ATXN1: variants seen among roughly 807,000 people sequenced by gnomAD.
The protein encoded by ATXN1 is ataxin 1.
In ATXN1, 8 loss-of-function variants were observed where a neutral mutation model predicts 56.4. The observed-to-expected ratio is 0.14, with a 90% CI of 0.08 to 0.26. ATXN1 has a LOEUF of 0.26. Ranked by LOEUF, ATXN1 falls within the 10% of genes least tolerant of loss-of-function variation. ATXN1 has a pLI of 1.00. For synonymous variants in ATXN1, 514 were observed against 494.6 expected, an observed-to-expected ratio of 1.04 and a Z score of -0.52; for missense variants, 987 against 1,106.5, an observed-to-expected ratio of 0.89 and a Z score of 1.53.
Position 16,372,930 on chromosome 6 carries a change from TAAATAAACAAAC to T in ATXN1, c.-160-44472_-160-44461del, listed in dbSNP as rs1433131352. Reference sequence around the variant, plus strand: ...CACTGTATCAAAATAAATAAATAAATAAATAAACAAACAAACAAACAAACAAACAAACAAACA... The same window carrying T: ...CACTGTATCAAAATAAATAAATAAATAAACAAACAAACAAACAAACAAACA... On this transcript the variant is annotated intron_variant, in intron 6 of 7. Coordinates refer to ENST00000436367, the MANE Select transcript of ATXN1 (RefSeq NM_001128164.2). Among the ~76,000 whole-genome samples, 641 of 144,380 alleles carry T rather than the reference TAAATAAACAAAC, an allele frequency of 4.4e-3. 3 individuals carry two copies. The highest frequency in any genetic ancestry group is 0.014 in the African/African-American group (511 of 35,414). 94.7% of individuals were successfully genotyped at this position (144,380 alleles called of 152,430 possible).
chr6:16,477,052 T>C (rs1270522979), intron 6 of ATXN1, among the ~76,000 whole-genome samples: 1 of 151,880 alleles, frequency 6.6e-6, no homozygotes, highest in African/African-American at 2.4e-5. Flanking sequence ...TCATACTTCC[T>C]GTCATCTGTG....
chr6:16,444,064 C>A (rs1051384564), intron 6 of ATXN1, among the ~76,000 whole-genome samples: 3 of 151,090 alleles, frequency 2.0e-5, no homozygotes, highest in Admixed American at 2.0e-4. Context: ...TGCAGTGAGC[C>A]GAGATTGCGC....
intron 6 of ATXN1, among the ~76,000 whole-genome samples, chr6:16,357,721 C>T (rs1761720846): frequency 6.6e-6 from 1 of 152,002 alleles, no homozygotes; most frequent in South Asian, 2.1e-4. Flanking sequence ...CAGGTAGCGA[C>T]AATAAACATG....
At position 16,761,298 on chromosome 6, in the gene ATXN1, T is replaced by C; in HGVS notation, c.-730A>G. Reference sequence around the variant, plus strand: ...GGAGGAAAAAAAAATAGTCACTTACTGTAAAGTGTAAATGGATCTGGGGTT... The same window carrying C: ...GGAGGAAAAAAAAATAGTCACTTACCGTAAAGTGTAAATGGATCTGGGGTT... On this transcript the variant is annotated splice_region_variant and 5_prime_UTR_variant, in exon 1 of 8. Coordinates refer to ENST00000436367, the MANE Select transcript of ATXN1 (RefSeq NM_001128164.2). 2 of 451,134 alleles carry C rather than the reference T, an allele frequency of 4.4e-6. No individual in the cohort carries two copies. Among genetic ancestry groups the C allele is most frequent in the Non-Finnish European group, 8.9e-6 (2 of 224,942 alleles). 27.9% of individuals were successfully genotyped at this position (451,134 alleles called of 1,614,324 possible). A position where few individuals can be genotyped will look rare whatever the true frequency, so the allele number is the denominator to read the frequency against.
intron 2 of ATXN1, among the ~76,000 whole-genome samples, chr6:16,712,432 G>A (rs1759545356): frequency 6.6e-6 from 1 of 152,150 alleles, no homozygotes; most frequent in South Asian, 2.1e-4. Flanking sequence ...AAGAACGGTG[G>A]TCTGCTACAG....
intron 6 of ATXN1, among the ~76,000 whole-genome samples, chr6:16,478,726 T>A (rs570461635): frequency 8.6e-4 from 127 of 147,418 alleles, no homozygotes; most frequent in African/African-American, 3.0e-3. Flanking sequence ...GAAATTACAT[T>A]TTTTTTTTCA....
rs1240773515 is a variant in ATXN1, at chr6:16,316,472, C to T, written c.1918-9613G>A. ...TTAAAATCTGAAAGAAGAGGCCGGG[C>T]ATGGTGGCTCACACCTGTAATCCCA... is the stretch of plus-strand genomic sequence containing the variant. On this transcript the variant is annotated intron_variant, in intron 7 of 7. Coordinates refer to ENST00000436367, the MANE Select transcript of ATXN1 (RefSeq NM_001128164.2). Among the ~76,000 whole-genome samples the T allele has an allele frequency of 2.6e-5, 4 of 152,328 alleles. No individual in the cohort carries two copies. The East Asian group carries it at 7.7e-4, about 29-fold the overall frequency.
intron 6 of ATXN1, among the ~76,000 whole-genome samples, chr6:16,339,944 A>C (rs544503029): frequency 1.3e-5 from 2 of 152,236 alleles, no homozygotes; most frequent in South Asian, 4.1e-4. Flanking sequence ...CACCATGCCC[A>C]GCTAATTTTT....
intron 3 of ATXN1, among the ~76,000 whole-genome samples, chr6:16,644,415 C>T (rs944744717): frequency 1.7e-4 from 26 of 150,392 alleles, no homozygotes; most frequent in African/African-American, 5.9e-4. Flanking sequence ...CTCGGGAGGC[C>T]GAGGCAGGAG....
rs143785440 is a variant in ATXN1, at chr6:16,300,909, C to G, written c.*5420G>C. On this transcript the variant is annotated 3_prime_UTR_variant, in exon 8 of 8. Coordinates refer to ENST00000436367, the MANE Select transcript of ATXN1 (RefSeq NM_001128164.2). ...AACAGTATTCTCAAATCGCAGAATACCGAGTTCCCCTCCCTCAGACGAGGG... is the reference window on the plus strand; with the variant it reads ...AACAGTATTCTCAAATCGCAGAATAGCGAGTTCCCCTCCCTCAGACGAGGG... 3.3e-4 allele frequency: 50 copies of G among 152,720 alleles called. No individual in the cohort carries two copies. The highest frequency in any genetic ancestry group is 6.3e-4 in the Non-Finnish European group (43 of 68,024). The allele number at this position is 152,720 out of a possible 1,614,324, so 9.5% of individuals were successfully genotyped here.
intron 6 of ATXN1, among the ~76,000 whole-genome samples, chr6:16,404,849 A>G (rs1038081067): frequency 5.3e-5 from 8 of 151,510 alleles, no homozygotes; most frequent in Non-Finnish European, 1.2e-4. Context: ...AGAGGGTCCC[A>G]CCCCCACCTC....
chr6:16,388,600 A>T (rs1758287376), intron 6 of ATXN1, among the ~76,000 whole-genome samples: 1 of 152,252 alleles, frequency 6.6e-6, no homozygotes, highest in African/African-American at 2.4e-5. Context: ...GGAACTTCAC[A>T]TGTGATTTCT....
At chr6:16,468,857 C>T (rs1304300155) in intron 6 of ATXN1, among the ~76,000 whole-genome samples, 1 of 151,076 alleles carries the variant, frequency 6.6e-6, no homozygotes, top group Admixed American at 6.6e-5. Context: ...TTGAACAGAA[C>T]ACAAACTTAC....
chr6:16,472,185 A>C (rs1461631565), intron 6 of ATXN1, among the ~76,000 whole-genome samples: 1 of 152,202 alleles, frequency 6.6e-6, no homozygotes, highest in African/African-American at 2.4e-5. Context: ...CCCCACTTCC[A>C]AAAATAAGAA....
chr6:16,324,493 AGTTT>A lies in ATXN1; in HGVS notation c.1917+1897_1917+1900del, dbSNP rs1405961796. Among the ~76,000 whole-genome samples the A allele has an allele frequency of 3.3e-5, 5 of 152,116 alleles. No homozygotes were observed. The East Asian group carries it at 7.7e-4, about 23-fold the overall frequency. ...CCCAAAACAATTCAAACCATTAATT[AGTTT>A]ATCTTTTTTTTCTTGTTTTATTTTA... On this transcript the variant is annotated intron_variant, in intron 7 of 7. Coordinates refer to ENST00000436367, the MANE Select transcript of ATXN1 (RefSeq NM_001128164.2).
chr6:16,664,955 A>C (rs528993173), intron 2 of ATXN1, among the ~76,000 whole-genome samples: 1 of 152,298 alleles, frequency 6.6e-6, no homozygotes, highest in South Asian at 2.1e-4. Context: ...TCTTTATGAA[A>C]AAATAATTAT....
intron 4 of ATXN1, among the ~76,000 whole-genome samples, chr6:16,584,223 C>CATATATATAT (rs746676585): frequency 0.021 from 1,681 of 80,490 alleles, 45 homozygotes; most frequent in Non-Finnish European, 0.034. Flanking sequence ...CGATATTGGA[C>CATATATATAT]ATATATATAT....
At chr6:16,401,501 A>G (rs1171106546) in intron 6 of ATXN1, among the ~76,000 whole-genome samples, 1 of 152,166 alleles carries the variant, frequency 6.6e-6, no homozygotes, top group Middle Eastern at 3.2e-3. Context: ...AGCTACTCAG[A>G]GGCTGAGGGT....
chr6:16,351,820 G>A (rs1052050484), intron 6 of ATXN1, among the ~76,000 whole-genome samples: 2 of 152,160 alleles, frequency 1.3e-5, no homozygotes, highest in East Asian at 3.9e-4. Flanking sequence ...ATTTCAGAAC[G>A]TAGGCTACAA....
Sources: gnomAD v4.1 joint callset for allele counts (sites outside exome capture counted in the v4.1 genomes callset) on GRCh38, gnomAD v4.1.1 for gene constraint, MANE v1.5 for transcripts, NCBI Gene and HGNC (gene_info 2026-07-23, HGNC 2026-07-21) for gene names.